The following TMPRSS15 variants were observed in gnomAD, a reference collection of about 807,000 sequenced individuals.
TMPRSS15 encodes the protein transmembrane serine protease 15.
A neutral mutation model predicts 125.3 loss-of-function variants in TMPRSS15; 128 were observed. That is an observed-to-expected ratio of 1.02 (90% confidence interval 0.89 to 1.18). The LOEUF (loss-of-function observed/expected upper bound fraction) is 1.18, where lower values mean the gene tolerates loss of function less well. Ranked by LOEUF, TMPRSS15 falls within the 50% of genes most tolerant of loss-of-function variation. The pLI, the probability that TMPRSS15 is intolerant of heterozygous loss-of-function variation, is 0.00. For synonymous variants in TMPRSS15, 446 were observed against 423.2 expected, an observed-to-expected ratio of 1.05 and a Z score of -0.66; for missense variants, 1,283 against 1,212.7, an observed-to-expected ratio of 1.06 and a Z score of -0.86.
intron 1 of TMPRSS15, among the ~76,000 whole-genome samples, chr21:18,409,170 C>T (rs1217687969): frequency 1.3e-5 from 2 of 151,218 alleles, no homozygotes; most frequent in Non-Finnish European, 2.9e-5. Flanking sequence ...TTTTTTTCTG[C>T]CACTGAACAT....
intron 1 of TMPRSS15, among the ~76,000 whole-genome samples, chr21:18,448,126 A>T (rs1159731144): frequency 6.6e-6 from 1 of 152,194 alleles, no homozygotes; most frequent in Admixed American, 6.5e-5. Context: ...ATCCAAAGGA[A>T]ATTAAATCAG....
intron 16 of TMPRSS15, among the ~76,000 whole-genome samples, chr21:18,324,233 T>C (rs1212865940): frequency 6.6e-6 from 1 of 152,222 alleles, no homozygotes; most frequent in Non-Finnish European, 1.5e-5. Context: ...GGAATGTTTA[T>C]TGTTTTCAAA....
intron 13 of TMPRSS15, among the ~76,000 whole-genome samples, chr21:18,339,971 C>G (rs543972012): frequency 6.6e-6 from 1 of 152,270 alleles, no homozygotes; most frequent in Non-Finnish European, 1.5e-5. Context: ...ACATTGTGAA[C>G]CTTGGTCACT....
intron 17 of TMPRSS15, among the ~76,000 whole-genome samples, chr21:18,314,140 G>A (rs1387166923): frequency 6.6e-6 from 1 of 151,810 alleles, no homozygotes; most frequent in East Asian, 1.9e-4. Flanking sequence ...TTCCTATTAT[G>A]ACAAGAGCTA....
chr21:18,420,325 TCTC>T (rs1447251786), intron 1 of TMPRSS15, among the ~76,000 whole-genome samples: 8 of 152,328 alleles, frequency 5.3e-5, no homozygotes, highest in Middle Eastern at 3.4e-3. Context: ...TTTGCTGAAA[TCTC>T]CTTCTTTTTA....
intron 1 of TMPRSS15, among the ~76,000 whole-genome samples, chr21:18,478,116 C>T (rs1229772261): frequency 6.6e-6 from 1 of 152,026 alleles, no homozygotes; most frequent in African/African-American, 2.4e-5. Flanking sequence ...TATGGAAAGG[C>T]AAATGATGTT....
chr21:18,337,540 C>A (rs968317496), intron 13 of TMPRSS15, among the ~76,000 whole-genome samples: 1 of 152,154 alleles, frequency 6.6e-6, no homozygotes, highest in Non-Finnish European at 1.5e-5. Flanking sequence ...ACCAACATCA[C>A]AGAGCAACAA....
Position 18,419,278 on chromosome 21 carries a change from T to C in TMPRSS15, c.11-20949A>G, listed in dbSNP as rs139154757. 8.0e-3 allele frequency among the ~76,000 whole-genome samples: 1,137 copies of C among 142,036 alleles called. 18 individuals are homozygous for C. The highest frequency in any genetic ancestry group is 0.028 in the African/African-American group (1,081 of 37,972). The allele number at this position is 142,036 out of a possible 152,430, so 93.2% of individuals were successfully genotyped here. A position where few individuals can be genotyped will look rare whatever the true frequency, so the allele number is the denominator to read the frequency against. On this transcript the variant is annotated intron_variant, in intron 1 of 7. Transcript: ENST00000422787. ...TCTCGCTCTGTTACCCAGGCTGGAG[T>C]GCAGTGGTGCTATCTCTGCTCACTG... is the stretch of plus-strand genomic sequence containing the variant.
At chr21:18,374,904 G>C (rs2075828468) in intron 5 of TMPRSS15, among the ~76,000 whole-genome samples, 1 of 152,168 alleles carries the variant, frequency 6.6e-6, no homozygotes. Context: ...TAGTGGAGGT[G>C]AAGAATGGGA....
At chr21:18,303,547 G>T (rs943323947) in intron 18 of TMPRSS15, among the ~76,000 whole-genome samples, 1 of 152,100 alleles carries the variant, frequency 6.6e-6, no homozygotes, top group African/African-American at 2.4e-5. Flanking sequence ...GGAAGGTTTT[G>T]TTATAAGCTT....
intron 18 of TMPRSS15, among the ~76,000 whole-genome samples, chr21:18,306,745 G>A (rs1477951335): frequency 6.6e-6 from 1 of 151,700 alleles, no homozygotes; most frequent in Non-Finnish European, 1.5e-5. Flanking sequence ...ACAGGGAAAT[G>A]CTATTTGCTA....
chr21:18,435,650 T>A (rs2076226153), intron 1 of TMPRSS15, among the ~76,000 whole-genome samples: 1 of 152,168 alleles, frequency 6.6e-6, no homozygotes, highest in Non-Finnish European at 1.5e-5. Flanking sequence ...CCTCATAAAA[T>A]GAGTTAGGGA....
At chr21:18,294,791 T>C in intron 19 of TMPRSS15, 139 bp from the exon 20 acceptor site, 1 of 762,400 alleles carries the variant, frequency 1.3e-6, no homozygotes, top group Non-Finnish European at 2.2e-6. Context: ...GAGACTGAAT[T>C]GTAAGCCGAA....
At chr21:18,271,914 C>CCTT (rs2074561555) in intron 24 of TMPRSS15, among the ~76,000 whole-genome samples, 1 of 152,092 alleles carries the variant, frequency 6.6e-6, no homozygotes, top group African/African-American at 2.4e-5. Context: ...GATCTCATTC[C>CCTT]CTTTTATGGC....
chr21:18,469,299 T>C (rs1194314219), intron 1 of TMPRSS15, among the ~76,000 whole-genome samples: 1 of 152,134 alleles, frequency 6.6e-6, no homozygotes, highest in East Asian at 1.9e-4. Context: ...AAAGTTATGG[T>C]TTATAGTTCC....
At chr21:18,437,379 A>G (rs1035184732) in intron 1 of TMPRSS15, among the ~76,000 whole-genome samples, 1 of 152,200 alleles carries the variant, frequency 6.6e-6, no homozygotes, top group African/African-American at 2.4e-5. Context: ...GCCCTAGAAG[A>G]AAACCTAGGC....
At chr21:18,414,934 C>T (rs369673749) in intron 1 of TMPRSS15, among the ~76,000 whole-genome samples, 2 of 152,028 alleles carry the variant, frequency 1.3e-5, no homozygotes, top group East Asian at 1.9e-4. Flanking sequence ...TAAGGACCTC[C>T]GTACTGTTTT....
At chr21:18,323,064 G>A (rs1303554755) in intron 16 of TMPRSS15, among the ~76,000 whole-genome samples, 1 of 152,166 alleles carries the variant, frequency 6.6e-6, no homozygotes, top group African/African-American at 2.4e-5. Flanking sequence ...TGATGGAAGA[G>A]ATTTGTCTCT....
intron 3 of TMPRSS15, among the ~76,000 whole-genome samples, chr21:18,395,181 G>A (rs955314482): frequency 6.6e-6 from 1 of 152,198 alleles, no homozygotes; most frequent in Non-Finnish European, 1.5e-5. Context: ...CAGAGGGAGA[G>A]TAGCCACTGA....
Sources: gnomAD v4.1 joint callset for allele counts (sites outside exome capture counted in the v4.1 genomes callset) on GRCh38, gnomAD v4.1.1 for gene constraint, MANE v1.5 for transcripts, NCBI Gene and HGNC (gene_info 2026-07-23, HGNC 2026-07-21) for gene names.